POC1B: variants seen among roughly 807,000 people sequenced by gnomAD.
The protein encoded by POC1B is POC1 centriolar protein homolog B.
POC1B carries 44 observed loss-of-function variants against 60.6 expected under a neutral mutation model. The observed-to-expected ratio is 0.73, with a 90% confidence interval of 0.57 to 0.93. The LOEUF is 0.93. Ranked by LOEUF, POC1B falls within the 40% of genes least tolerant of loss-of-function variation. The probability of loss-of-function intolerance (pLI) is 0.00; values close to 1 mark genes in which losing one functional copy is unlikely to be tolerated. For synonymous variants in POC1B, 180 were observed against 198.9 expected (o/e 0.90, Z 0.80); for missense variants, 555 against 572.3 (o/e 0.97, Z 0.31).
chr12:89,448,923 T>G (rs1881911376), intron 10 of POC1B, among the ~76,000 whole-genome samples: 1 of 152,240 alleles, frequency 6.6e-6, no homozygotes, highest in Admixed American at 6.5e-5. Flanking sequence ...AAACATTGGT[T>G]GACTCAAGGG....
chr12:89,455,648 C>T lies in POC1B; in HGVS notation c.1113+3990G>A, dbSNP rs576483255. ...TTTTGATTGATAGAATATCAAAAGACTGTAGACCCTTGGATTTTTTTCTAT... is the reference window on the plus strand; with the variant it reads ...TTTTGATTGATAGAATATCAAAAGATTGTAGACCCTTGGATTTTTTTCTAT... On this transcript the variant is annotated intron_variant, in intron 10 of 11. Coordinates refer to ENST00000313546, the MANE Select transcript of POC1B (RefSeq NM_172240.3). Among the ~76,000 whole-genome samples, 24 of 152,340 alleles carry T rather than the reference C, an allele frequency of 1.6e-4. No homozygotes were observed. In the South Asian group the frequency reaches 5.0e-3, roughly 32 times the overall value.
intron 2 of POC1B, 50 bp downstream of exon 2, chr12:89,525,070 G>A (rs2135784721): frequency 6.2e-7 from 1 of 1,611,420 alleles, no homozygotes. Flanking sequence ...AAGGTTTCCG[G>A]CCCATGGAGT....
At chr12:89,500,079 A>G (rs1278349696) in intron 2 of POC1B, 9 of 1,344,254 alleles carry the variant, frequency 6.7e-6, no homozygotes, top group Middle Eastern at 2.1e-4. Flanking sequence ...GCGCTGGCTC[A>G]GCGGGGCCGG....
At chr12:89,515,283 T>TTTTA (rs1870392409) in intron 2 of POC1B, among the ~76,000 whole-genome samples, 1 of 152,076 alleles carries the variant, frequency 6.6e-6, no homozygotes, top group South Asian at 2.1e-4. Flanking sequence ...AAATATATCA[T>TTTTA]TGTATTTATT....
the POC1B span, among the ~76,000 whole-genome samples, chr12:89,402,113 A>C: frequency 1.3e-5 from 2 of 152,124 alleles, no homozygotes; most frequent in African/African-American, 4.8e-5. Context: ...GTGTCCAGTT[A>C]AGTGTTATCT....
chr12:89,450,258 A>T (rs1051735844), intron 10 of POC1B, among the ~76,000 whole-genome samples: 1 of 151,138 alleles, frequency 6.6e-6, no homozygotes, highest in African/African-American at 2.4e-5. Context: ...CCTGGGCTGG[A>T]GTGCAGTGGC....
chr12:89,408,071 C>G, the POC1B span, among the ~76,000 whole-genome samples: 1 of 152,076 alleles, frequency 6.6e-6, no homozygotes, highest in African/African-American at 2.4e-5. Context: ...GTTTTCTGTT[C>G]CCTGTGTTAG....
intron 3 of POC1B, 55 bp downstream of exon 3, chr12:89,497,116 T>A: frequency 6.4e-7 from 1 of 1,557,960 alleles, no homozygotes; most frequent in Non-Finnish European, 8.8e-7. Flanking sequence ...CAGGGTCAGC[T>A]TTCTTTCACA....
intron 2 of POC1B, 139 bp downstream of exon 2, chr12:89,524,981 G>A: frequency 7.5e-7 from 1 of 1,325,232 alleles, no homozygotes; most frequent in Non-Finnish European, 1.0e-6. Flanking sequence ...CCGCCGCGCT[G>A]GGCCCTCGTC....
At chr12:89,412,071 C>T in the POC1B span, among the ~76,000 whole-genome samples, 2 of 152,214 alleles carry the variant, frequency 1.3e-5, no homozygotes, top group Admixed American at 6.5e-5. Flanking sequence ...AAAGGGATTT[C>T]CTCTGGGGAT....
intron 10 of POC1B, among the ~76,000 whole-genome samples, chr12:89,453,330 A>T (rs115466235): frequency 0.021 from 3,251 of 152,294 alleles, 119 homozygotes; most frequent in African/African-American, 0.075. Flanking sequence ...TGCAGTTAAG[A>T]TAAAAAGTCT....
At chr12:89,424,075 T>A (rs1880652733) in intron 11 of POC1B, among the ~76,000 whole-genome samples, 1 of 152,186 alleles carries the variant, frequency 6.6e-6, no homozygotes, top group Non-Finnish European at 1.5e-5. Context: ...AAGTGAGTGA[T>A]TTTTAATATG....
rs1294805310 is a variant in POC1B, at chr12:89,421,125, G to A, written c.*28C>T. ...ACATTTGTTCATTTATTGGGCCTCT[G>A]CCCAACAAATGAAAATGAATTTTTT... On this transcript the variant is annotated 3_prime_UTR_variant, in exon 12 of 12. Transcript: ENST00000313546. 7.2e-6 allele frequency: 11 copies of A among 1,531,916 alleles called. No homozygotes were observed. Among genetic ancestry groups the A allele is most frequent in the South Asian group, 3.5e-5 (3 of 85,912 alleles). 94.9% of individuals were successfully genotyped at this position (1,531,916 alleles called of 1,614,324 possible).
chr12:89,403,766 G>A, the POC1B span, among the ~76,000 whole-genome samples: 1 of 152,146 alleles, frequency 6.6e-6, no homozygotes, highest in African/African-American at 2.4e-5. Flanking sequence ...GGCCCGTTTT[G>A]CTTTCAGATA....
At chr12:89,415,034 C>T (rs1292992286), downstream of POC1B, among the ~76,000 whole-genome samples, 1 of 152,184 alleles carries the variant, frequency 6.6e-6, no homozygotes, top group African/African-American at 2.4e-5. Context: ...ATTCCAAGCC[C>T]TTCCCCCACT....
intron 2 of POC1B, among the ~76,000 whole-genome samples, chr12:89,497,982 T>C (rs1374943921): frequency 6.6e-6 from 1 of 152,202 alleles, no homozygotes; most frequent in Non-Finnish European, 1.5e-5. Flanking sequence ...GAGTAAGTTA[T>C]GCAACTCACA....
rs567160722 is a variant in POC1B, at chr12:89,473,264, C to T, written c.453-989G>A. On this transcript the variant is annotated intron_variant, in intron 4 of 11. Transcript: ENST00000313546. ...TTTTTCTTTTTGTTCTCTCCCTACT[C>T]CCATTCTTAAGGCTGACCTAAAATT... Among the ~76,000 whole-genome samples the T allele has an allele frequency of 3.9e-4, 59 of 152,214 alleles. 1 individual carries two copies. Among genetic ancestry groups the T allele is most frequent in the South Asian group, 2.1e-4 (1 of 4,824 alleles).
intron 10 of POC1B, among the ~76,000 whole-genome samples, chr12:89,439,117 G>A (rs1223571758): frequency 7.2e-5 from 11 of 152,104 alleles, no homozygotes; most frequent in Non-Finnish European, 2.9e-5. Flanking sequence ...TTCAGTTTTT[G>A]TCTGGACTAC....
chr12:89,521,662 C>G (rs1451746562), intron 2 of POC1B: 2 of 211,742 alleles, frequency 9.4e-6, no homozygotes, highest in African/African-American at 4.6e-5. Flanking sequence ...AATAACTTGA[C>G]CAAAGTTACA....
Sources: allele counts gnomAD v4.1 joint callset (sites outside exome capture counted in the v4.1 genomes callset), GRCh38; gene constraint gnomAD v4.1.1; transcripts MANE v1.5; gene names NCBI Gene and HGNC (gene_info 2026-07-23, HGNC 2026-07-21).